SUFU: variants seen among roughly 807,000 people sequenced by gnomAD.
SUFU encodes the protein suppressor of fused homolog.
Under a neutral mutation model 58.9 loss-of-function variants are expected in SUFU, and 7 were observed. The observed-to-expected ratio is 0.12, with a 90% confidence interval of 0.07 to 0.22. The LOEUF (loss-of-function observed/expected upper bound fraction) is 0.22, where lower values mean the gene tolerates loss of function less well. Ranked by LOEUF, SUFU falls within the 10% of genes least tolerant of loss-of-function variation. SUFU has a pLI of 1.00. For missense variants in SUFU, 451 were observed against 641.3 expected, an observed-to-expected ratio of 0.70 and a Z score of 3.20; for synonymous variants, 232 against 254.8, an observed-to-expected ratio of 0.91 and a Z score of 0.85.
At chr10:102,538,263 A>C (rs1418077419) in intron 2 of SUFU, among the ~76,000 whole-genome samples, 1 of 152,146 alleles carries the variant, frequency 6.6e-6, no homozygotes, top group African/African-American at 2.4e-5. Flanking sequence ...GCCAGAACTC[A>C]TATAATACCG....
intron 3 of SUFU, among the ~76,000 whole-genome samples, chr10:102,568,698 A>G (rs1456779421): frequency 6.6e-6 from 1 of 151,100 alleles, no homozygotes; most frequent in Non-Finnish European, 1.5e-5. Context: ...ATGTGATGAA[A>G]CCCTGTCTCT....
chr10:102,588,020 C>T (rs1489526834), intron 3 of SUFU, among the ~76,000 whole-genome samples: 1 of 152,194 alleles, frequency 6.6e-6, no homozygotes, highest in South Asian at 2.1e-4. Flanking sequence ...TATCCTTTTG[C>T]GTGTGAGTAT....
chr10:102,599,553 C>T lies in SUFU; in HGVS notation c.1022+9C>T. 6.2e-7 allele frequency: 1 copy of T among 1,612,672 alleles called. No homozygotes were observed. The highest frequency in any genetic ancestry group is 2.2e-5 in the East Asian group (1 of 44,868). ...GCCCACGACCGGGCCCCGTAAGTTCCCCAGTGTCCCTGGGCTGGAACAAGA... is the reference window on the plus strand; with the variant it reads ...GCCCACGACCGGGCCCCGTAAGTTCTCCAGTGTCCCTGGGCTGGAACAAGA... On this transcript the variant is annotated intron_variant, in intron 8 of 11. Transcript: ENST00000369902.
At chr10:102,568,949 T>TATAC (rs2063132737) in intron 3 of SUFU, among the ~76,000 whole-genome samples, 27 of 103,716 alleles carry the variant, frequency 2.6e-4, no homozygotes, top group African/African-American at 9.1e-4. Flanking sequence ...TATATATATA[T>TATAC]ATATATATAT....
intron 3 of SUFU, chr10:102,579,989 C>A (rs900937604): frequency 2.9e-6 from 1 of 347,456 alleles, no homozygotes; most frequent in Non-Finnish European, 4.0e-6. Context: ...AGCTCCTCAG[C>A]CACATGTACA....
intron 2 of SUFU, among the ~76,000 whole-genome samples, chr10:102,544,648 A>G (rs2135730473): frequency 6.6e-6 from 1 of 152,090 alleles, no homozygotes; most frequent in South Asian, 2.1e-4. Context: ...GCAGTGAGCC[A>G]AGATTGTGCC....
At chr10:102,570,525 G>A (rs1243505450) in intron 3 of SUFU, among the ~76,000 whole-genome samples, 1 of 139,646 alleles carries the variant, frequency 7.2e-6, no homozygotes, top group Non-Finnish European at 1.5e-5. Flanking sequence ...ATTAATGCTG[G>A]GGTTTTTTTA....
At chr10:102,585,888 C>CTT (rs34024871) in intron 3 of SUFU, among the ~76,000 whole-genome samples, 53,779 of 134,708 alleles carry the variant, frequency 0.4, 11,549 homozygotes, top group East Asian at 0.66. Flanking sequence ...ATTTGTATAT[C>CTT]TTTTTTTTTT....
At chr10:102,599,287 G>T (rs2063493300) in intron 7 of SUFU, 146 bp from the exon 8 acceptor site, 7 of 729,386 alleles carry the variant, frequency 9.6e-6, no homozygotes, top group South Asian at 7.1e-5. Context: ...CTCACTCAGC[G>T]CTTACATCTG....
chr10:102,593,935 C>G, intron 5 of SUFU, 58 bp from the exon 6 acceptor site: 4 of 1,579,102 alleles, frequency 2.5e-6, no homozygotes. Context: ...AGGCTGTAGG[C>G]CCAGCCCATC....
At chr10:102,530,290 G>A (rs909442065) in intron 2 of SUFU, among the ~76,000 whole-genome samples, 1 of 151,890 alleles carries the variant, frequency 6.6e-6, no homozygotes, top group Non-Finnish European at 1.5e-5. Context: ...CCTCCAAAGG[G>A]TCCAAAGATC....
Position 102,505,862 on chromosome 10 carries a change from T to C in SUFU, c.182+1528T>C, listed in dbSNP as rs537344868. ...ATGACCCATTCTCATTGTGCCTTTA[T>C]ATTTAACTATGTGTTGTGATGAACT... On this transcript the variant is annotated intron_variant, in intron 1 of 11. Coordinates refer to ENST00000369902, the MANE Select transcript of SUFU (RefSeq NM_016169.4). Among the ~76,000 whole-genome samples, 5 of 152,192 alleles carry C rather than the reference T, an allele frequency of 3.3e-5. No homozygotes were observed. In the East Asian group the frequency reaches 7.7e-4, roughly 24 times the overall value.
Position 102,633,007 on chromosome 10 carries a change from G to C in SUFU, c.*2852G>C, listed in dbSNP as rs553858784. 4 of 233,400 alleles carry C rather than the reference G, an allele frequency of 1.7e-5. No individual in the cohort carries two copies. The highest frequency in any genetic ancestry group is 1.7e-4 in the Admixed American group (3 of 17,800). 14.5% of individuals were successfully genotyped at this position (233,400 alleles called of 1,614,324 possible). On this transcript the variant is annotated 3_prime_UTR_variant, in exon 12 of 12. Transcript: ENST00000369902. ...AGGCAGGGACTGGAGAAGCCAAGGG[G>C]AGAGTCTAAAAGGGCTAGAGCATTT...
chr10:102,517,463 G>A (rs574737784), intron 2 of SUFU, among the ~76,000 whole-genome samples: 13 of 152,226 alleles, frequency 8.5e-5, no homozygotes, highest in African/African-American at 2.9e-4. Flanking sequence ...TCTCAGTCCC[G>A]GGATTTTTCC....
intron 3 of SUFU, among the ~76,000 whole-genome samples, chr10:102,575,210 T>C (rs184712000): frequency 4.3e-4 from 65 of 152,226 alleles, no homozygotes; most frequent in Admixed American, 3.5e-3. Context: ...CAAGACCTTG[T>C]CTCAAAATTT....
chr10:102,523,572 A>T (rs2062574804), intron 2 of SUFU, among the ~76,000 whole-genome samples: 1 of 152,220 alleles, frequency 6.6e-6, no homozygotes, highest in African/African-American at 2.4e-5. Flanking sequence ...CCTACAGGCA[A>T]CACCATGGCT....
At chr10:102,596,154 T>C (rs1014439959) in intron 6 of SUFU, among the ~76,000 whole-genome samples, 1 of 152,200 alleles carries the variant, frequency 6.6e-6, no homozygotes, top group Non-Finnish European at 1.5e-5. Context: ...CAGAGCCACT[T>C]GCTGACTGGT....
chr10:102,612,253 G>A lies in SUFU; in HGVS notation c.1023-3015G>A, dbSNP rs372296146. Among the ~76,000 whole-genome samples, 5 of 151,546 alleles carry A rather than the reference G, an allele frequency of 3.3e-5. 1 individual carries two copies. The East Asian group carries it at 7.7e-4, about 23-fold the overall frequency. On this transcript the variant is annotated intron_variant, in intron 8 of 11. Coordinates refer to ENST00000369902, the MANE Select transcript of SUFU (RefSeq NM_016169.4). ...TGTGTATAGCAGCCGCGTTTCCATCGAAGCAGCATGCCGGAAATACCCAAG... is the reference window on the plus strand; with the variant it reads ...TGTGTATAGCAGCCGCGTTTCCATCAAAGCAGCATGCCGGAAATACCCAAG...
intron 2 of SUFU, among the ~76,000 whole-genome samples, chr10:102,514,268 A>C (rs1269829974): frequency 1.3e-5 from 2 of 152,152 alleles, no homozygotes; most frequent in Non-Finnish European, 2.9e-5. Context: ...GGGTAGGGAC[A>C]GGCAGAAGCG....
Sources: allele counts gnomAD v4.1 joint callset (sites outside exome capture counted in the v4.1 genomes callset), GRCh38; gene constraint gnomAD v4.1.1; transcripts MANE v1.5; gene names NCBI Gene and HGNC (gene_info 2026-07-23, HGNC 2026-07-21).